The following GLI3 variants were observed in gnomAD, a reference collection of about 807,000 sequenced individuals.
The protein encoded by GLI3 is GLI family zinc finger 3.
GLI3 carries 20 observed loss-of-function variants against 100.8 expected under a neutral mutation model. That is an observed-to-expected ratio of 0.20 (90% CI 0.14 to 0.29). The LOEUF (loss-of-function observed/expected upper bound fraction) is 0.29. Among genes scored for constraint, GLI3 ranks in the 10% least tolerant of loss-of-function variants. The pLI is 1.00. For synonymous variants in GLI3, 938 were observed against 860.5 expected (o/e 1.09, Z -1.58); for missense variants, 2,040 against 2,128.5 (o/e 0.96, Z 0.82).
In GLI3 at chr7:42,237,044, C is replaced by T. The variant is rs1212710180; in HGVS notation, c.-116G>A. The T allele has an allele frequency of 1.3e-5, 2 of 149,332 alleles. No homozygotes were observed. The highest frequency in any genetic ancestry group is 3.0e-5 in the Non-Finnish European group (2 of 67,146). 9.3% of individuals were successfully genotyped at this position (149,332 alleles called of 1,614,324 possible). A position where few individuals can be genotyped will look rare whatever the true frequency, so the allele number is the denominator to read the frequency against. ...GACGGGGCGCAGGCTGGCGGCTCCC[C>T]GCTCCGCGCGGCCGCGGGCGGCTAC... is the stretch of plus-strand genomic sequence containing the variant. On this transcript the variant is annotated 5_prime_UTR_variant, in exon 1 of 15. Coordinates refer to ENST00000395925, the MANE Select transcript of GLI3 (RefSeq NM_000168.6).
At chr7:42,121,083 G>T (rs866822057) in intron 3 of GLI3, among the ~76,000 whole-genome samples, 2 of 152,134 alleles carry the variant, frequency 1.3e-5, no homozygotes, top group Admixed American at 6.5e-5. Flanking sequence ...AATGACAAAA[G>T]GTCAGAAGAA....
rs1043801925 is a variant in GLI3, at chr7:41,966,890, G to C, written c.2432-249C>G. Among the ~76,000 whole-genome samples, 4 of 152,156 alleles carry C rather than the reference G, an allele frequency of 2.6e-5. No individual in the cohort carries two copies. Among genetic ancestry groups the C allele is most frequent in the Admixed American group, 2.0e-4 (3 of 15,284 alleles). On this transcript the variant is annotated intron_variant, in intron 14 of 14. Coordinates refer to ENST00000395925, the MANE Select transcript of GLI3 (RefSeq NM_000168.6). The surrounding 1 kb of genome is among the most constrained non-coding windows in gnomAD (Gnocchi z 5.8). ...CTTTACAAAAACAGGGGCGGCTGGA[G>C]ATGGCCGCAGGCTGTAGTTTGCTGA...
At chr7:41,971,052 G>C (rs1335772478) in intron 13 of GLI3, among the ~76,000 whole-genome samples, 2 of 152,018 alleles carry the variant, frequency 1.3e-5, no homozygotes. Context: ...TAGCTGATTT[G>C]TGTTATTTTT....
chr7:42,084,473 C>G (rs1038611836), intron 3 of GLI3, among the ~76,000 whole-genome samples: 2 of 152,220 alleles, frequency 1.3e-5, no homozygotes, highest in Non-Finnish European at 2.9e-5. Context: ...GGAAAGAAAA[C>G]CACATCTACG....
chr7:42,191,489 C>T (rs1390267092), intron 2 of GLI3, among the ~76,000 whole-genome samples: 2 of 151,906 alleles, frequency 1.3e-5, no homozygotes, highest in African/African-American at 4.8e-5. Context: ...CCCATCTCTA[C>T]TAAAAATACA....
At chr7:42,226,114 T>C (rs1788575921) in intron 1 of GLI3, among the ~76,000 whole-genome samples, 3 of 152,188 alleles carry the variant, frequency 2.0e-5, no homozygotes, top group African/African-American at 7.2e-5. Context: ...ATCCAAACAC[T>C]CCATTCTTAG....
chr7:42,182,925 T>C (rs1216307777), intron 2 of GLI3, among the ~76,000 whole-genome samples: 1 of 151,496 alleles, frequency 6.6e-6, no homozygotes, highest in Non-Finnish European at 1.5e-5. Flanking sequence ...CTACTAAAAA[T>C]ACACAAAAAA....
intron 1 of GLI3, among the ~76,000 whole-genome samples, chr7:42,245,468 A>C (rs1255363235): frequency 6.6e-6 from 1 of 152,146 alleles, no homozygotes; most frequent in Non-Finnish European, 1.5e-5. Context: ...TCATGAGGTC[A>C]GGAGTTCGAG....
intron 3 of GLI3, among the ~76,000 whole-genome samples, chr7:42,087,227 A>G (rs1785121155): frequency 6.6e-6 from 1 of 152,212 alleles, no homozygotes; most frequent in Non-Finnish European, 1.5e-5. Flanking sequence ...GGGGCCTCCA[A>G]CAACAGGCAA....
chr7:42,254,942 T>C (rs1562801887), intron 1 of GLI3, among the ~76,000 whole-genome samples: 1 of 152,140 alleles, frequency 6.6e-6, no homozygotes, highest in East Asian at 1.9e-4. Flanking sequence ...AAATTTTTCC[T>C]GTAATGAAAC....
chr7:41,987,436 G>A (rs1297502802), intron 10 of GLI3, among the ~76,000 whole-genome samples: 1 of 152,138 alleles, frequency 6.6e-6, no homozygotes, highest in African/African-American at 2.4e-5. Flanking sequence ...CAAAGTACTG[G>A]GATTACAGGC....
intron 3 of GLI3, among the ~76,000 whole-genome samples, chr7:42,129,167 T>C (rs1322568755): frequency 6.6e-6 from 1 of 152,194 alleles, no homozygotes; most frequent in African/African-American, 2.4e-5. Context: ...GAGCTTTATT[T>C]ATATTAAGTA....
At chr7:42,247,633 G>A (rs1451430738) in intron 1 of GLI3, among the ~76,000 whole-genome samples, 2 of 152,196 alleles carry the variant, frequency 1.3e-5, no homozygotes, top group African/African-American at 4.8e-5. Context: ...TTCTATGACT[G>A]GTTGACTTGA....
intron 3 of GLI3, among the ~76,000 whole-genome samples, chr7:42,079,647 G>T (rs933670675): frequency 6.6e-6 from 1 of 152,184 alleles, no homozygotes; most frequent in Non-Finnish European, 1.5e-5. Flanking sequence ...TCAGGGCATC[G>T]CACATGCACC....
chr7:42,259,781 C>A (rs1245892886), intron 1 of GLI3, among the ~76,000 whole-genome samples: 2 of 152,168 alleles, frequency 1.3e-5, no homozygotes, highest in African/African-American at 2.4e-5. Context: ...CATTTAGGAT[C>A]CAAATCAATA....
In GLI3 at chr7:42,026,247, C is replaced by A. The variant is rs148822237; in HGVS notation, c.1194G>T (p.Thr398=). Residue 398 remains threonine (T), a synonymous_variant, in exon 8 of 15, where the codon ACG becomes ACT. Transcript: ENST00000395925. ...PTQRPIPGIP[T]VLNPVQVSSG... ...AGCTGACCTGGACGGGGTTCAGAACCGTAGGGATCCCTGGAATAGGCCTCT... is the reference window on the plus strand; with the variant it reads ...AGCTGACCTGGACGGGGTTCAGAACAGTAGGGATCCCTGGAATAGGCCTCT... 1.2e-6 allele frequency: 2 copies of A among 1,613,872 alleles called. No individual in the cohort carries two copies. The highest frequency in any genetic ancestry group is 2.7e-5 in the African/African-American group (2 of 75,006).
intron 3 of GLI3, among the ~76,000 whole-genome samples, chr7:42,077,476 C>G (rs781093102): frequency 6.6e-6 from 1 of 151,530 alleles, no homozygotes; most frequent in Non-Finnish European, 1.5e-5. Context: ...TCCAGGGAAA[C>G]ACTGTGCAGC....
intron 12 of GLI3, among the ~76,000 whole-genome samples, chr7:41,976,167 A>T (rs539493144): frequency 5.3e-4 from 80 of 151,998 alleles, no homozygotes; most frequent in Non-Finnish European, 4.4e-5. Context: ...TCTATTCTAG[A>T]CTCCCTAAAA....
chr7:42,214,862 T>C (rs1308200687), intron 2 of GLI3, among the ~76,000 whole-genome samples: 1 of 119,028 alleles, frequency 8.4e-6, no homozygotes, highest in African/African-American at 3.3e-5. Context: ...CACTGGATGC[T>C]AAAAAAAAAA....
Sources: gnomAD v4.1 joint callset for allele counts (sites outside exome capture counted in the v4.1 genomes callset) on GRCh38, gnomAD v4.1.1 for gene constraint, Gnocchi (gnomAD v3.1) non-coding constraint, MANE v1.5 for transcripts, NCBI Gene and HGNC (gene_info 2026-07-23, HGNC 2026-07-21) for gene names.